IL15: variants seen among roughly 807,000 people sequenced by gnomAD.
IL15 encodes interleukin-15.
A neutral mutation model predicts 19.6 loss-of-function variants in IL15; 11 were observed. The ratio of observed to expected loss-of-function variants is 0.56; its 90% confidence interval spans 0.35 to 0.93. The LOEUF (loss-of-function observed/expected upper bound fraction) is 0.93, where lower values mean the gene tolerates loss of function less well. Ranked by LOEUF, IL15 falls within the 40% of genes least tolerant of loss-of-function variation. IL15 has a pLI of 0.01. For synonymous variants in IL15, 58 were observed against 59.6 expected (o/e 0.97, Z 0.12); for missense variants, 197 against 186.5 (o/e 1.06, Z -0.33).
At chr4:141,723,676 G>A (rs1730167930) in intron 5 of IL15, among the ~76,000 whole-genome samples, 1 of 152,050 alleles carries the variant, frequency 6.6e-6, no homozygotes, top group Admixed American at 6.6e-5. Context: ...AAGCAGAAGT[G>A]GCTATATTAA....
At chr4:141,692,794 A>G (rs76492118) in intron 2 of IL15, among the ~76,000 whole-genome samples, 3,902 of 152,004 alleles carry the variant, frequency 0.026, 172 homozygotes, top group African/African-American at 0.089. Context: ...GGAAGTTCCA[A>G]ACTTTTTCAC....
At chr4:141,727,870 A>G in intron 5 of IL15, 70 bp from the exon 6 acceptor site, 2 of 730,152 alleles carry the variant, frequency 2.7e-6, no homozygotes, top group Non-Finnish European at 4.8e-6. Flanking sequence ...TAATGTTTTC[A>G]GTAGGTTGTT....
At chr4:141,686,165 G>A (rs1184660132) in intron 2 of IL15, among the ~76,000 whole-genome samples, 1 of 151,956 alleles carries the variant, frequency 6.6e-6, no homozygotes, top group African/African-American at 2.4e-5. Flanking sequence ...CATGGTGGTG[G>A]TCACCTATAA....
intron 2 of IL15, among the ~76,000 whole-genome samples, chr4:141,672,824 T>A (rs1477156246): frequency 3.3e-5 from 5 of 152,186 alleles, no homozygotes; most frequent in Non-Finnish European, 7.3e-5. Context: ...CAGTTTCTTA[T>A]CTTTTGACTT....
chr4:141,691,758 C>T (rs1379647113), intron 2 of IL15, among the ~76,000 whole-genome samples: 2 of 152,220 alleles, frequency 1.3e-5, no homozygotes, highest in Non-Finnish European at 2.9e-5. Context: ...CTGCAGCATA[C>T]AGTCCCTTTA....
intron 2 of IL15, among the ~76,000 whole-genome samples, chr4:141,696,019 T>C (rs1359374124): frequency 1.3e-5 from 2 of 152,138 alleles, no homozygotes; most frequent in Non-Finnish European, 2.9e-5. Flanking sequence ...AAAATTATCT[T>C]TGCCAAGCCA....
chr4:141,685,541 G>A (rs1476746803), intron 2 of IL15, among the ~76,000 whole-genome samples: 1 of 152,092 alleles, frequency 6.6e-6, no homozygotes, highest in Non-Finnish European at 1.5e-5. Context: ...TGGAAAAAAA[G>A]GTAGATTATA....
intron 1 of IL15, among the ~76,000 whole-genome samples, chr4:141,639,822 T>C (rs748064400): frequency 6.6e-6 from 1 of 152,210 alleles, no homozygotes; most frequent in African/African-American, 2.4e-5. Context: ...GCTGCTGTCC[T>C]ATAGGAATGG....
At chr4:141,699,493 T>G (rs1243346197) in intron 2 of IL15, among the ~76,000 whole-genome samples, 2 of 152,186 alleles carry the variant, frequency 1.3e-5, no homozygotes, top group Admixed American at 6.5e-5. Context: ...GGTATTGTTT[T>G]ATAAATTTGG....
chr4:141,726,941 A>G (rs934356199), intron 5 of IL15, among the ~76,000 whole-genome samples: 1 of 152,166 alleles, frequency 6.6e-6, no homozygotes, highest in African/African-American at 2.4e-5. Context: ...TGTTGAGTGA[A>G]AGATGGGGAC....
At chr4:141,699,313 G>A (rs1729204113) in intron 2 of IL15, among the ~76,000 whole-genome samples, 3 of 152,140 alleles carry the variant, frequency 2.0e-5, no homozygotes, top group Admixed American at 2.0e-4. Flanking sequence ...TGGTTGTTGG[G>A]AAGAACTTTC....
chr4:141,658,439 G>A (rs1727679345), intron 2 of IL15, among the ~76,000 whole-genome samples: 1 of 151,984 alleles, frequency 6.6e-6, no homozygotes, highest in South Asian at 2.1e-4. Flanking sequence ...AATCTTATGG[G>A]ACCACCTCAT....
chr4:141,674,040 GAA>G (rs1728262397), intron 2 of IL15, among the ~76,000 whole-genome samples: 1 of 152,204 alleles, frequency 6.6e-6, no homozygotes, highest in African/African-American at 2.4e-5. Context: ...TAAATTTGCA[GAA>G]GTTTCAGGTA....
At chr4:141,647,983 A>C (rs568529840) in intron 1 of IL15, among the ~76,000 whole-genome samples, 1 of 152,080 alleles carries the variant, frequency 6.6e-6, no homozygotes, top group Non-Finnish European at 1.5e-5. Flanking sequence ...TTTGAGAAAC[A>C]CTGCATTCTT....
intron 2 of IL15, among the ~76,000 whole-genome samples, chr4:141,668,724 G>T (rs934107684): frequency 1.3e-5 from 2 of 151,878 alleles, no homozygotes; most frequent in African/African-American, 4.8e-5. Flanking sequence ...TTCTCCTAAG[G>T]GCAACCTCCT....
intron 2 of IL15, among the ~76,000 whole-genome samples, chr4:141,662,665 T>C (rs1291641040): frequency 4.6e-5 from 7 of 152,230 alleles, no homozygotes; most frequent in African/African-American, 1.7e-4. Context: ...AGTTCATTTT[T>C]ATTTAATGTA....
chr4:141,688,486 A>T (rs1453374818), intron 2 of IL15, among the ~76,000 whole-genome samples: 2 of 152,238 alleles, frequency 1.3e-5, no homozygotes, highest in Non-Finnish European at 2.9e-5. Flanking sequence ...AGTATACAAG[A>T]GTGCTATAAT....
intron 1 of IL15, among the ~76,000 whole-genome samples, chr4:141,641,804 A>C (rs1020144554): frequency 6.6e-6 from 1 of 151,752 alleles, no homozygotes; most frequent in African/African-American, 2.4e-5. Flanking sequence ...ACAAACCTGC[A>C]CGTTGTGCAC....
chr4:141,706,168 T>C (rs1448966963), intron 2 of IL15, among the ~76,000 whole-genome samples: 1 of 152,036 alleles, frequency 6.6e-6, no homozygotes. Flanking sequence ...TTTATCTCTG[T>C]GGTTTGGTGG....
Sources: allele counts gnomAD v4.1 joint callset (sites outside exome capture counted in the v4.1 genomes callset), GRCh38; gene constraint gnomAD v4.1.1; transcripts MANE v1.5; gene names NCBI Gene and HGNC (gene_info 2026-07-23, HGNC 2026-07-21).